Variants in SLC2A14 observed in about 807,000 individuals in gnomAD.
SLC2A14 encodes the protein solute carrier family 2, facilitated glucose transporter member 14.
In SLC2A14, 13 loss-of-function variants were observed where a neutral mutation model predicts 43.0. That is an observed-to-expected ratio of 0.30 (90% CI 0.20 to 0.48). SLC2A14 has a LOEUF of 0.48. Among genes scored for constraint, SLC2A14 ranks in the 20% least tolerant of loss-of-function variants. The probability of loss-of-function intolerance (pLI) is 0.99; values close to 1 mark genes in which losing one functional copy is unlikely to be tolerated. For synonymous variants in SLC2A14, 190 were observed against 233.8 expected (o/e 0.81, Z 1.71); for missense variants, 428 against 620.4 (o/e 0.69, Z 3.29).
At chr12:7,867,446 G>A (rs954591918) in intron 2 of SLC2A14, among the ~76,000 whole-genome samples, 3 of 152,078 alleles carry the variant, frequency 2.0e-5, no homozygotes, top group African/African-American at 7.2e-5. Flanking sequence ...GGTAGAAATA[G>A]CAAGAGAACT....
intron 1 of SLC2A14, among the ~76,000 whole-genome samples, chr12:7,886,631 T>C (rs931328841): frequency 1.3e-5 from 2 of 152,072 alleles, no homozygotes; most frequent in Admixed American, 6.5e-5. Context: ...AGTTATGGTG[T>C]TCATCTTTCC....
At chr12:7,849,777 C>T (rs191805799) in intron 2 of SLC2A14, among the ~76,000 whole-genome samples, 211 of 151,468 alleles carry the variant, frequency 1.4e-3, no homozygotes, top group Non-Finnish European at 2.7e-3. Flanking sequence ...GCGGCGGGCA[C>T]CTGTAGTCCC....
At chr12:7,857,158 G>A (rs1687579309) in intron 2 of SLC2A14, among the ~76,000 whole-genome samples, 3 of 152,114 alleles carry the variant, frequency 2.0e-5, no homozygotes, top group African/African-American at 7.2e-5. Flanking sequence ...GCTGAGGCAG[G>A]AGAATCGCTC....
At chr12:7,865,995 T>C (rs971941567) in intron 2 of SLC2A14, among the ~76,000 whole-genome samples, 7 of 151,832 alleles carry the variant, frequency 4.6e-5, no homozygotes, top group Non-Finnish European at 1.5e-5. Context: ...GGCGGGTGGA[T>C]CATCTGAGGT....
In SLC2A14 at chr12:7,881,353, G is replaced by T. The variant is rs771513541; in HGVS notation, c.132+9643C>A. 1.1e-4 allele frequency among the ~76,000 whole-genome samples: 16 copies of T among 151,974 alleles called. No homozygotes were observed. In the South Asian group the frequency reaches 3.3e-3, roughly 31 times the overall value. On this transcript the variant is annotated intron_variant, in intron 1 of 9. Transcript: ENST00000539924. Reference sequence around the variant, plus strand: ...ACGAGTTCCGGGTGGGTTTGGGCTCGGCGGGCCCCGCACTCGGAGCGGCCG... The same window carrying T: ...ACGAGTTCCGGGTGGGTTTGGGCTCTGCGGGCCCCGCACTCGGAGCGGCCG...
chr12:7,843,387 AAAGGCTACTGG>A (rs1443860901), intron 2 of SLC2A14, among the ~76,000 whole-genome samples: 1 of 142,060 alleles, frequency 7.0e-6, no homozygotes, highest in Admixed American at 7.2e-5. Flanking sequence ...ATGCGGCTGT[AAAGGCTACTGG>A]AAGGCTCCTC....
chr12:7,889,542 C>CT (rs35141630), intron 1 of SLC2A14, among the ~76,000 whole-genome samples: 40,714 of 142,320 alleles, frequency 0.29, 6,058 homozygotes, highest in Non-Finnish European at 0.36. Flanking sequence ...CTGGTTCCCC[C>CT]TTTTTTTTTT....
chr12:7,871,599 T>C (rs1945237434), intron 1 of SLC2A14, among the ~76,000 whole-genome samples: 1 of 151,904 alleles, frequency 6.6e-6, no homozygotes, highest in Non-Finnish European at 1.5e-5. Context: ...GGCTGGAGTC[T>C]CTGACCCCTC....
chr12:7,837,790 C>T (rs1272694719), intron 2 of SLC2A14, among the ~76,000 whole-genome samples: 3 of 151,492 alleles, frequency 2.0e-5, no homozygotes, highest in Non-Finnish European at 4.4e-5. Flanking sequence ...TGGAGTCTCA[C>T]TCTGTTGTCC....
intron 2 of SLC2A14, among the ~76,000 whole-genome samples, chr12:7,867,455 C>T (rs773833863): frequency 6.6e-6 from 1 of 152,088 alleles, no homozygotes; most frequent in South Asian, 2.1e-4. Context: ...AGCAAGAGAA[C>T]TAGAATTAGA....
At chr12:7,870,866 G>T in intron 1 of SLC2A14, 1 of 1,282,878 alleles carries the variant, frequency 7.8e-7, no homozygotes, top group South Asian at 1.4e-5. Flanking sequence ...TCAGCAAGTG[G>T]ACCAAAGCCA....
upstream of SLC2A14, among the ~76,000 whole-genome samples, chr12:7,874,918 AAT>A (rs1338001551): frequency 4.4e-5 from 4 of 90,470 alleles, no homozygotes; most frequent in Non-Finnish European, 5.7e-5. Context: ...TACATATATA[AAT>A]ATATATTTAT....
chr12:7,863,701 T>A (rs776124798), intron 2 of SLC2A14, among the ~76,000 whole-genome samples: 3 of 152,138 alleles, frequency 2.0e-5, no homozygotes, highest in Non-Finnish European at 4.4e-5. Flanking sequence ...ACAAACATAC[T>A]GTTTATGGAG....
At chr12:7,840,898 A>G (rs1052173257) in intron 2 of SLC2A14, among the ~76,000 whole-genome samples, 1 of 152,220 alleles carries the variant, frequency 6.6e-6, no homozygotes, top group Non-Finnish European at 1.5e-5. Flanking sequence ...TACCTCAGTC[A>G]GGAAAGCAGA....
chr12:7,889,753 C>G (rs915209837), intron 1 of SLC2A14, among the ~76,000 whole-genome samples: 4 of 151,774 alleles, frequency 2.6e-5, no homozygotes, highest in Admixed American at 2.6e-4. Context: ...TCAGGCTGGT[C>G]TCGAACTCCT....
At chr12:7,884,882 G>A (rs1945661936) in intron 1 of SLC2A14, among the ~76,000 whole-genome samples, 1 of 141,014 alleles carries the variant, frequency 7.1e-6, no homozygotes, top group Admixed American at 6.8e-5. Flanking sequence ...GATCCCCTGA[G>A]GGTAGGGTGG....
intron 1 of SLC2A14, among the ~76,000 whole-genome samples, chr12:7,882,168 C>T (rs7979608): frequency 0.58 from 87,278 of 151,608 alleles, 25,399 homozygotes; most frequent in Admixed American, 0.66. Flanking sequence ...TGAGCTGTAA[C>T]ACTCACCGTG....
chr12:7,831,577 C>T lies in SLC2A14; in HGVS notation c.272+27G>A, dbSNP rs752779629. 2.5e-6 allele frequency: 4 copies of T among 1,613,178 alleles called. No homozygotes were observed. The South Asian group carries it at 4.4e-5, about 18-fold the overall frequency. On this transcript the variant is annotated intron_variant, in intron 4 of 10. Coordinates refer to ENST00000431042, the MANE Select transcript of SLC2A14 (RefSeq NM_001286234.2). ...TCCCCAATGCATCTGGTAGAGCCCA[C>T]TTCCTTGCCCAGTTTCTAGTCAATA...
intron 2 of SLC2A14, among the ~76,000 whole-genome samples, chr12:7,866,456 C>T (rs1944918428): frequency 6.6e-6 from 1 of 151,990 alleles, no homozygotes; most frequent in Admixed American, 6.6e-5. Flanking sequence ...CCTCCACCTC[C>T]TGGGTTCAAG....
Sources: allele counts gnomAD v4.1 joint callset (sites outside exome capture counted in the v4.1 genomes callset), GRCh38; gene constraint gnomAD v4.1.1; transcripts MANE v1.5; gene names NCBI Gene and HGNC (gene_info 2026-07-23, HGNC 2026-07-21).